The following CACNA1A variants were observed in gnomAD, a reference collection of about 807,000 sequenced individuals.
CACNA1A encodes calcium voltage-gated channel subunit alpha1 A, also known as voltage-dependent P/Q-type calcium channel subunit alpha-1A.
In CACNA1A, 57 loss-of-function variants were observed where a neutral mutation model predicts 262.4. The ratio of observed to expected loss-of-function variants is 0.22; its 90% CI spans 0.18 to 0.27. CACNA1A has a LOEUF of 0.27. Ranked by LOEUF, CACNA1A falls within the 10% of genes least tolerant of loss-of-function variation. The pLI, the probability that CACNA1A is intolerant of heterozygous loss-of-function variation, is 1.00. For synonymous variants in CACNA1A, 1,431 were observed against 1,419.3 expected (o/e 1.01, Z -0.18); for missense variants, 2,526 against 3,562.8 (o/e 0.71, Z 7.41).
chr19:13,504,470 G>A (rs1484503371), intron 1 of CACNA1A, among the ~76,000 whole-genome samples: 1 of 151,968 alleles, frequency 6.6e-6, no homozygotes, highest in Non-Finnish European at 1.5e-5. Flanking sequence ...CAGCACCCAG[G>A]ATCCAAGCGC....
intron 24 of CACNA1A, among the ~76,000 whole-genome samples, chr19:13,270,042 A>G (rs1600214704): frequency 6.6e-6 from 1 of 152,278 alleles, no homozygotes; most frequent in East Asian, 1.9e-4. Context: ...CAGGCCTCAA[A>G]GAACCCAGGC....
At chr19:13,476,868 G>T (rs527538547) in intron 1 of CACNA1A, among the ~76,000 whole-genome samples, 1 of 152,126 alleles carries the variant, frequency 6.6e-6, no homozygotes, top group Non-Finnish European at 1.5e-5. Context: ...CCCAGCTTCT[G>T]CCCTGCCTGC....
chr19:13,353,915 C>T (rs566308787), intron 6 of CACNA1A, among the ~76,000 whole-genome samples: 2 of 152,178 alleles, frequency 1.3e-5, no homozygotes, highest in African/African-American at 2.4e-5. Context: ...GTGTAGCTTT[C>T]GTTCCTATTG....
At chr19:13,336,636 A>AGAGAGAGAGAGG (rs1568547642) in intron 6 of CACNA1A, among the ~76,000 whole-genome samples, 1 of 150,588 alleles carries the variant, frequency 6.6e-6, no homozygotes, top group African/African-American at 2.5e-5. Flanking sequence ...AGAGAGAGAG[A>AGAGAGAGAGAGG]GAGAAAAGAA....
intron 8 of CACNA1A, chr19:13,333,835 T>A: frequency 6.5e-6 from 1 of 152,762 alleles, no homozygotes; most frequent in East Asian, 1.9e-4. Flanking sequence ...ATCTCTCTCA[T>A]TAGAATATCA....
chr19:13,234,559 T>C (rs1476439520), intron 34 of CACNA1A, among the ~76,000 whole-genome samples: 1 of 152,030 alleles, frequency 6.6e-6, no homozygotes, highest in South Asian at 2.1e-4. Flanking sequence ...GAAAATGACC[T>C]TGATGACTAT....
At chr19:13,283,154 T>A (rs1469958031) in intron 22 of CACNA1A, 113 bp downstream of exon 22, 3 of 1,297,166 alleles carry the variant, frequency 2.3e-6, no homozygotes, top group East Asian at 4.8e-5. Flanking sequence ...ATAAGGGCTA[T>A]GCCTAGGGGT....
chr19:13,318,888 A>ATTTTTTTTTTTTTTTT (rs1600317762), intron 10 of CACNA1A, among the ~76,000 whole-genome samples: 1 of 94,698 alleles, frequency 1.1e-5, no homozygotes, highest in African/African-American at 5.0e-5. Flanking sequence ...TCTAAAATAC[A>ATTTTTTTTTTTTTTTT]TCTTTTTTTT....
chr19:13,298,386 C>T (rs2057713220), intron 19 of CACNA1A, among the ~76,000 whole-genome samples, 158 bp downstream of exon 19: 2 of 152,232 alleles, frequency 1.3e-5, no homozygotes, highest in South Asian at 4.1e-4. Flanking sequence ...GCCTCGGCCT[C>T]CCAAAGTGCT....
At chr19:13,225,454 C>G (rs966461665) in intron 37 of CACNA1A, 1 of 152,296 alleles carries the variant, frequency 6.6e-6, no homozygotes, top group African/African-American at 2.4e-5. Context: ...GCTCTCTGTG[C>G]AATGGCAGGG....
intron 32 of CACNA1A, 136 bp from the exon 33 acceptor site, chr19:13,235,410 G>A: frequency 1.1e-6 from 1 of 886,138 alleles, no homozygotes; most frequent in Non-Finnish European, 1.8e-6. Context: ...AGGGCTGGTG[G>A]GCATCTCTGG....
rs555362569 is a variant in CACNA1A, at chr19:13,207,560, C to A, written c.7274G>T (p.Gly2425Val). Reference sequence around the variant, plus strand: ...GGCCCCGGCCATGGCCTCCTCGCCGCCCCCGCTGCCCGGGCCATCGGCCTC... The same window carrying A: ...GGCCCCGGCCATGGCCTCCTCGCCGACCCCGCTGCCCGGGCCATCGGCCTC... ...YDEADGPGSG[G>V]GEEAMAGAYD... is the part of the protein sequence containing the mutation. The change falls in exon 47 of 47, where the codon GGC (glycine) becomes GTC (valine). Residue 2425 changes from glycine (G) to valine (V), a missense_variant. Transcript: ENST00000360228. The surrounding 1 kb of genome is among the most constrained non-coding windows in gnomAD (Gnocchi z 5.7). The A allele has an allele frequency of 1.4e-6, 2 of 1,465,986 alleles. No homozygotes were observed. The highest frequency in any genetic ancestry group is 3.0e-5 in the African/African-American group (2 of 67,354). The allele number at this position is 1,465,986 out of a possible 1,614,324, so 90.8% of individuals were successfully genotyped here.
At chr19:13,492,688 C>CG (rs1325314908) in intron 1 of CACNA1A, among the ~76,000 whole-genome samples, 3 of 151,822 alleles carry the variant, frequency 2.0e-5, no homozygotes, top group African/African-American at 4.8e-5. Flanking sequence ...TTAGGTATAT[C>CG]GGGGGGAAAA....
intron 6 of CACNA1A, among the ~76,000 whole-genome samples, chr19:13,348,631 A>T (rs1004859839): frequency 4.6e-5 from 7 of 152,248 alleles, no homozygotes; most frequent in Middle Eastern, 3.4e-3. Context: ...AGCTCAGGAG[A>T]TCGAGACCAT....
At chr19:13,383,657 C>T (rs1350469400) in intron 3 of CACNA1A, among the ~76,000 whole-genome samples, 1 of 152,090 alleles carries the variant, frequency 6.6e-6, no homozygotes, top group Non-Finnish European at 1.5e-5. Flanking sequence ...TCTCCTCTGC[C>T]GTCCCCATTC....
chr19:13,438,002 G>A (rs895764126), intron 3 of CACNA1A, among the ~76,000 whole-genome samples: 49 of 152,190 alleles, frequency 3.2e-4, no homozygotes, highest in African/African-American at 1.2e-3. Flanking sequence ...ATCACAGTGA[G>A]ATTTGATAAA....
chr19:13,493,104 C>T (rs1981095250), intron 1 of CACNA1A, among the ~76,000 whole-genome samples: 2 of 152,184 alleles, frequency 1.3e-5, no homozygotes, highest in South Asian at 4.1e-4. Context: ...AGATTTCCTT[C>T]TATACACTCA....
chr19:13,227,642 T>C (rs942309306), intron 36 of CACNA1A, 115 bp from the exon 37 acceptor site: 13 of 399,410 alleles, frequency 3.3e-5, no homozygotes, highest in South Asian at 9.8e-5. Flanking sequence ...AAAAAAGAAA[T>C]CCACACGAGC....
chr19:13,435,942 A>T (rs551793337), intron 3 of CACNA1A, among the ~76,000 whole-genome samples: 2 of 152,320 alleles, frequency 1.3e-5, no homozygotes, highest in Admixed American at 6.5e-5. Flanking sequence ...CTCATGCCTC[A>T]GCCTCCCGAG....
Sources: gnomAD v4.1 joint callset for allele counts (sites outside exome capture counted in the v4.1 genomes callset) on GRCh38, gnomAD v4.1.1 for gene constraint, Gnocchi (gnomAD v3.1) non-coding constraint, MANE v1.5 for transcripts, NCBI Gene and HGNC (gene_info 2026-07-23, HGNC 2026-07-21) for gene names.